KSR2: variants seen among roughly 807,000 people sequenced by gnomAD.
The protein encoded by KSR2 is kinase suppressor of ras 2.
Under a neutral mutation model 107.8 loss-of-function variants are expected in KSR2, and 25 were observed. That is an observed-to-expected ratio of 0.23 (90% CI 0.17 to 0.32). The LOEUF (loss-of-function observed/expected upper bound fraction) is 0.32, where lower values mean the gene tolerates loss of function less well. Ranked by LOEUF, KSR2 falls within the 10% of genes least tolerant of loss-of-function variation. The pLI is 1.00. For synonymous variants in KSR2, 480 were observed against 507.0 expected, an observed-to-expected ratio of 0.95 and a Z score of 0.71; for missense variants, 887 against 1,268.9, an observed-to-expected ratio of 0.70 and a Z score of 4.57.
rs747514657 is a variant in KSR2, at chr12:117,860,363, G to A, written c.249C>T (p.Asn83=). The change falls in exon 2 of 20, where the codon AAC becomes AAT. Residue 83 remains asparagine, a synonymous_variant. Transcript: ENST00000339824. The stretch of plus-strand genomic sequence containing the variant: ...GCTGGGGGAAGCCGTCCAGCTCCGC[G>A]TTGCGCTCCTGCAAGGCTACCTTCT... The part of the protein sequence containing the change: ...CKKKVALQER[N]AELDGFPQLR... 18 of 1,613,640 alleles carry A rather than the reference G, an allele frequency of 1.1e-5. No individual in the cohort carries two copies. Among genetic ancestry groups the A allele is most frequent in the African/African-American group, 1.3e-5 (1 of 74,934 alleles).
chr12:117,842,253 G>A lies in KSR2; in HGVS notation c.472+13175C>T, dbSNP rs1032408160. Among the ~76,000 whole-genome samples, 1 of 152,232 alleles carries A rather than the reference G, an allele frequency of 6.6e-6. No homozygotes were observed. The highest frequency in any genetic ancestry group is 1.5e-5 in the Non-Finnish European group (1 of 68,038). The stretch of plus-strand genomic sequence containing the variant: ...TTTAGATATGCTAGAGACTATGATA[G>A]GATAGAGAGTGGCCAGGATGGAAGT... On this transcript the variant is annotated intron_variant, in intron 3 of 19. Coordinates refer to ENST00000339824, the MANE Select transcript of KSR2 (RefSeq NM_173598.6). This position sits in a 1 kb window ranked among gnomAD's most constrained non-coding sequence, Gnocchi z 4.2.
At position 117,574,506 on chromosome 12, in the gene KSR2, G is replaced by C. The variant is rs1879139842; in HGVS notation, c.1325+4613C>G. Among the ~76,000 whole-genome samples, 10 of 152,256 alleles carry C rather than the reference G, an allele frequency of 6.6e-5. No individual in the cohort carries two copies. In the South Asian group the frequency reaches 2.1e-3, roughly 32 times the overall value. On this transcript the variant is annotated intron_variant, in intron 7 of 19. Transcript: ENST00000339824. Reference sequence around the variant, plus strand: ...AAAGGCCGCGACAAGAGAGAATGAAGAAAATCAAGCGAAAGGGGTTTCCCC... The same window carrying C: ...AAAGGCCGCGACAAGAGAGAATGAACAAAATCAAGCGAAAGGGGTTTCCCC...
At chr12:117,752,671 T>C (rs1888651647) in intron 4 of KSR2, among the ~76,000 whole-genome samples, 1 of 152,242 alleles carries the variant, frequency 6.6e-6, no homozygotes, top group Non-Finnish European at 1.5e-5. Flanking sequence ...ATTACTTCTG[T>C]AATTGCAATT....
intron 1 of KSR2, among the ~76,000 whole-genome samples, chr12:117,879,115 T>C (rs1006060041): frequency 4.6e-5 from 7 of 152,142 alleles, no homozygotes; most frequent in South Asian, 4.1e-4. Flanking sequence ...TTGTGTGACA[T>C]AACCCAGTAT....
chr12:117,538,170 C>G (rs1377825969), intron 10 of KSR2, among the ~76,000 whole-genome samples: 3 of 151,912 alleles, frequency 2.0e-5, no homozygotes, highest in Non-Finnish European at 2.9e-5. Flanking sequence ...GCGGTGGGAG[C>G]CTTCTGTCTG....
chr12:117,854,196 G>A (rs991720019), intron 3 of KSR2, among the ~76,000 whole-genome samples: 14 of 151,696 alleles, frequency 9.2e-5, no homozygotes, highest in Non-Finnish European at 8.8e-5. Flanking sequence ...TTGTAGAGAC[G>A]GGGTTTCGCC....
chr12:117,769,234 T>C (rs1253105181), intron 3 of KSR2, among the ~76,000 whole-genome samples: 3 of 152,102 alleles, frequency 2.0e-5, no homozygotes, highest in African/African-American at 4.8e-5. Context: ...GTTTTTTTTT[T>C]CTACAAAGAC....
At chr12:117,641,652 C>G (rs1330837354) in intron 5 of KSR2, among the ~76,000 whole-genome samples, 1 of 152,174 alleles carries the variant, frequency 6.6e-6, no homozygotes, top group Non-Finnish European at 1.5e-5. Flanking sequence ...GCAAGGACCC[C>G]GTTTCCAAAT....
chr12:117,631,406 C>A (rs548460242), intron 5 of KSR2, among the ~76,000 whole-genome samples: 1 of 152,174 alleles, frequency 6.6e-6, no homozygotes, highest in Non-Finnish European at 1.5e-5. Flanking sequence ...TATATGATGG[C>A]CTGACCTCCT....
chr12:117,499,995 A>G (rs1442513242), intron 14 of KSR2, among the ~76,000 whole-genome samples: 1 of 152,120 alleles, frequency 6.6e-6, no homozygotes, highest in African/African-American at 2.4e-5. Flanking sequence ...GGCTGAATCA[A>G]CCCTGGATCT....
At chr12:117,484,326 G>T in intron 16 of KSR2, 90 bp downstream of exon 16, 5 of 1,467,164 alleles carry the variant, frequency 3.4e-6, no homozygotes, top group Non-Finnish European at 4.7e-6. Context: ...CCAACCCTGA[G>T]TCTAGGTCAC....
At chr12:117,624,650 T>C (rs1030103728) in intron 5 of KSR2, among the ~76,000 whole-genome samples, 4 of 152,228 alleles carry the variant, frequency 2.6e-5, no homozygotes, top group Admixed American at 6.5e-5. Context: ...GGTAGCGTGA[T>C]GCCTCCAGCT....
intron 1 of KSR2, among the ~76,000 whole-genome samples, chr12:117,927,649 C>A (rs920465487): frequency 1.4e-5 from 2 of 147,392 alleles, no homozygotes; most frequent in African/African-American, 5.0e-5. Flanking sequence ...GCCAAGATCA[C>A]GCTACTGCAC....
intron 14 of KSR2, among the ~76,000 whole-genome samples, chr12:117,507,617 C>T (rs1438709645): frequency 5.3e-5 from 8 of 152,306 alleles, no homozygotes; most frequent in Non-Finnish European, 4.4e-5. Context: ...CTGTCACCAG[C>T]AGCCCCATCT....
At chr12:117,920,324 T>C (rs1465499124) in intron 1 of KSR2, among the ~76,000 whole-genome samples, 1 of 151,992 alleles carries the variant, frequency 6.6e-6, no homozygotes, top group Non-Finnish European at 1.5e-5. Context: ...GGTCTCGAAC[T>C]CCTGGGCTCA....
At chr12:117,503,631 C>T (rs923273910) in intron 14 of KSR2, among the ~76,000 whole-genome samples, 3 of 152,250 alleles carry the variant, frequency 2.0e-5, no homozygotes, top group Non-Finnish European at 4.4e-5. Context: ...GAGAAATAAA[C>T]GTTCTGAGTA....
intron 16 of KSR2, 42 bp from the exon 17 acceptor site, chr12:117,476,637 A>C (rs1412515831): frequency 2.5e-5 from 39 of 1,574,588 alleles, no homozygotes; most frequent in Non-Finnish European, 3.1e-5. Flanking sequence ...TTCATAGCCC[A>C]GGGTGGACCA....
chr12:117,776,302 A>G (rs1421186628), intron 3 of KSR2, among the ~76,000 whole-genome samples: 1 of 152,178 alleles, frequency 6.6e-6, no homozygotes, highest in East Asian at 1.9e-4. Context: ...CATTCATTGG[A>G]CATTTTAAAC....
intron 14 of KSR2, among the ~76,000 whole-genome samples, chr12:117,512,033 A>G (rs927513370): frequency 3.3e-5 from 5 of 152,040 alleles, no homozygotes; most frequent in Admixed American, 6.5e-5. Flanking sequence ...TCCACTCCCA[A>G]CTGAACCCTA....
Sources: gnomAD v4.1 joint callset for allele counts (sites outside exome capture counted in the v4.1 genomes callset) on GRCh38, gnomAD v4.1.1 for gene constraint, Gnocchi (gnomAD v3.1) non-coding constraint, MANE v1.5 for transcripts, NCBI Gene and HGNC (gene_info 2026-07-23, HGNC 2026-07-21) for gene names.